CSMD3: variants seen among roughly 807,000 people sequenced by gnomAD.
CSMD3 encodes the protein CUB and sushi domain-containing protein 3.
CSMD3 carries 177 observed loss-of-function variants against 435.2 expected under a neutral mutation model. The ratio of observed to expected loss-of-function variants is 0.41; its 90% CI spans 0.36 to 0.46. CSMD3 has a LOEUF of 0.46. Among genes scored for constraint, CSMD3 ranks in the 20% least tolerant of loss-of-function variants. The pLI is 0.34. For synonymous variants in CSMD3, 1,656 were observed against 1,520.5 expected, an observed-to-expected ratio of 1.09 and a Z score of -2.07; for missense variants, 4,265 against 4,504.6, an observed-to-expected ratio of 0.95 and a Z score of 1.52.
chr8:112,938,620 T>G (rs556280164), intron 9 of CSMD3, among the ~76,000 whole-genome samples: 5 of 152,258 alleles, frequency 3.3e-5, no homozygotes, highest in Admixed American at 2.0e-4. Flanking sequence ...AAGCAACTAG[T>G]AAGTTAGAGG....
Position 112,408,994 on chromosome 8 carries a change from G to T in CSMD3, c.5434C>A (p.His1812Asn), listed in dbSNP as rs569018651. 1 of 1,613,424 alleles carries T rather than the reference G, an allele frequency of 6.2e-7. No individual in the cohort carries two copies. ...CCATCATACACCTCAACAACATCGTGGAGTGATGTCTGGAAAAATACAAAC... is the reference window on the plus strand; with the variant it reads ...CCATCATACACCTCAACAACATCGTTGAGTGATGTCTGGAAAAATACAAAC... ...GQFVFFQTSL[H>N]DVVEVYDGPT... Residue 1812 changes from histidine to asparagine, a missense_variant, in exon 33 of 71, where the codon CAC becomes AAC. By Grantham distance (68) the His-to-Asn change is moderately conservative. Around this residue, in one of 3 missense-constraint regions of CSMD3, gnomAD observed 3,255 missense variants for 3,380.2 expected, o/e 0.96. Transcript: ENST00000297405.
Position 112,273,347 on chromosome 8 carries a change from C to G in CSMD3, c.9509-7757G>C, listed in dbSNP as rs576658137. On this transcript the variant is annotated intron_variant, in intron 59 of 70. Coordinates refer to ENST00000297405, the MANE Select transcript of CSMD3 (RefSeq NM_198123.2). ...TCTGAACTATTTTCATTATTTCAATCTCTTCAATGACTATTATTGAAAACT... is the reference window on the plus strand; with the variant it reads ...TCTGAACTATTTTCATTATTTCAATGTCTTCAATGACTATTATTGAAAACT... Among the ~76,000 whole-genome samples, 8 of 152,184 alleles carry G rather than the reference C, an allele frequency of 5.3e-5. 1 individual carries two copies. The highest frequency in any genetic ancestry group is 3.9e-4 in the Admixed American group (6 of 15,280).
chr8:113,320,195 G>C (rs1214860776), intron 1 of CSMD3, among the ~76,000 whole-genome samples: 1 of 151,850 alleles, frequency 6.6e-6, no homozygotes, highest in African/African-American at 2.4e-5. Context: ...CTCAAAAACT[G>C]GCATTGCAAC....
chr8:112,747,128 C>A (rs2077445666), intron 13 of CSMD3, among the ~76,000 whole-genome samples: 1 of 129,604 alleles, frequency 7.7e-6, no homozygotes, highest in Non-Finnish European at 1.6e-5. Flanking sequence ...CCATAATGTT[C>A]TCTCATTTCT....
chr8:112,837,785 T>C (rs1485073792), intron 11 of CSMD3, among the ~76,000 whole-genome samples: 1 of 151,766 alleles, frequency 6.6e-6, no homozygotes, highest in Non-Finnish European at 1.5e-5. Context: ...TTCTCCATTA[T>C]GATTATTTCA....
chr8:113,239,853 C>T (rs930271723), intron 3 of CSMD3, among the ~76,000 whole-genome samples: 1 of 152,048 alleles, frequency 6.6e-6, no homozygotes. Flanking sequence ...TGGTAGAAAT[C>T]TGGATTTCAA....
chr8:112,228,165 C>T (rs1392066374), intron 70 of CSMD3, among the ~76,000 whole-genome samples: 1 of 152,100 alleles, frequency 6.6e-6, no homozygotes. Flanking sequence ...TATAGTAAAG[C>T]ACTCACCAGG....
At chr8:112,629,860 C>T (rs537187979) in intron 22 of CSMD3, among the ~76,000 whole-genome samples, 1 of 152,294 alleles carries the variant, frequency 6.6e-6, no homozygotes, top group Non-Finnish European at 1.5e-5. Flanking sequence ...GCTTTCTCCT[C>T]ATCACTCCCT....
At chr8:112,959,003 A>T (rs907900468) in intron 7 of CSMD3, among the ~76,000 whole-genome samples, 1 of 152,138 alleles carries the variant, frequency 6.6e-6, no homozygotes, top group Admixed American at 6.6e-5. Flanking sequence ...TATAACTTAA[A>T]GTAATAAAAC....
At chr8:112,957,968 C>G (rs1324391034) in intron 7 of CSMD3, among the ~76,000 whole-genome samples, 1 of 152,190 alleles carries the variant, frequency 6.6e-6, no homozygotes, top group African/African-American at 2.4e-5. Flanking sequence ...TGGTCTCGAT[C>G]TCTTGACCTC....
chr8:112,596,820 A>C (rs897104128), intron 22 of CSMD3, among the ~76,000 whole-genome samples: 3 of 152,182 alleles, frequency 2.0e-5, no homozygotes, highest in Non-Finnish European at 2.9e-5. Flanking sequence ...GAAACCAACG[A>C]GAACAAAGAC....
chr8:112,734,201 T>A (rs1237248903), intron 13 of CSMD3, among the ~76,000 whole-genome samples: 1 of 151,174 alleles, frequency 6.6e-6, no homozygotes, highest in Non-Finnish European at 1.5e-5. Flanking sequence ...AAAATATATA[T>A]ATACATCGGT....
intron 13 of CSMD3, among the ~76,000 whole-genome samples, chr8:112,747,183 C>CTTTTTTTTTTTTTTTTTTTT (rs71309787): frequency 3.7e-5 from 1 of 26,950 alleles, no homozygotes; most frequent in Admixed American, 5.5e-4. Context: ...GCACACTTCC[C>CTTTTTTTTTTTTTTTTTTTT]TTTTTTTTTT....
chr8:112,302,417 G>C (rs1237012760), intron 52 of CSMD3, among the ~76,000 whole-genome samples: 1 of 151,980 alleles, frequency 6.6e-6, no homozygotes, highest in East Asian at 1.9e-4. Context: ...TATAATTTTT[G>C]TCAAGAACTC....
intron 22 of CSMD3, among the ~76,000 whole-genome samples, chr8:112,599,903 A>G (rs944581591): frequency 2.1e-5 from 3 of 145,820 alleles, no homozygotes; most frequent in African/African-American, 7.7e-5. Context: ...TAGCATTGGG[A>G]GATATACCTA....
chr8:112,980,133 C>A (rs2084996178), intron 6 of CSMD3, among the ~76,000 whole-genome samples: 1 of 150,218 alleles, frequency 6.7e-6, no homozygotes, highest in Non-Finnish European at 1.5e-5. Flanking sequence ...CCAAATAATA[C>A]CTCATGATAG....
At chr8:113,145,807 C>T (rs546866333) in intron 4 of CSMD3, among the ~76,000 whole-genome samples, 2 of 151,656 alleles carry the variant, frequency 1.3e-5, no homozygotes, top group South Asian at 2.1e-4. Flanking sequence ...TGAATATCCT[C>T]ATTTTGCAGA....
At chr8:113,287,870 T>C (rs1017945541) in intron 2 of CSMD3, among the ~76,000 whole-genome samples, 5 of 151,980 alleles carry the variant, frequency 3.3e-5, no homozygotes, top group Admixed American at 3.3e-4. Context: ...GTGAAGGCTA[T>C]CTTTGACCAT....
intron 3 of CSMD3, among the ~76,000 whole-genome samples, chr8:113,260,080 A>C (rs1221040969): frequency 6.6e-6 from 1 of 152,084 alleles, no homozygotes; most frequent in Non-Finnish European, 1.5e-5. Flanking sequence ...CCCTTCCACC[A>C]TAATTGTAAG....
Sources: gnomAD v4.1 joint callset for allele counts (sites outside exome capture counted in the v4.1 genomes callset) on GRCh38, gnomAD v4.1.1 for gene constraint, gnomAD v4.1.1 regional missense constraint, MANE v1.5 for transcripts, NCBI Gene and HGNC (gene_info 2026-07-23, HGNC 2026-07-21) for gene names.